Variants in CACNA1B observed in about 807,000 individuals in gnomAD.
CACNA1B encodes voltage-dependent N-type calcium channel subunit alpha-1B.
In CACNA1B, 70 loss-of-function variants were observed where a neutral mutation model predicts 247.2. The ratio of observed to expected loss-of-function variants is 0.28; its 90% CI spans 0.23 to 0.35. CACNA1B has a LOEUF of 0.35. Ranked by LOEUF, CACNA1B falls within the 10% of genes least tolerant of loss-of-function variation. The pLI is 1.00. For missense variants in CACNA1B, 2,367 were observed against 3,197.4 expected (o/e 0.74, Z 6.26); for synonymous variants, 1,231 against 1,294.4 (o/e 0.95, Z 1.05).
At chr9:138,070,695 T>A (rs1015699497) in intron 32 of CACNA1B, among the ~76,000 whole-genome samples, 1 of 152,264 alleles carries the variant, frequency 6.6e-6, no homozygotes, top group African/African-American at 2.4e-5. Context: ...CAATGTCATC[T>A]GCACGCATCC....
At chr9:138,000,178 A>C (rs1039748693) in intron 15 of CACNA1B, among the ~76,000 whole-genome samples, 59 of 151,296 alleles carry the variant, frequency 3.9e-4, no homozygotes, top group African/African-American at 1.3e-3. Flanking sequence ...GGCTCACTGC[A>C]AGCTCCGCCT....
intron 6 of CACNA1B, among the ~76,000 whole-genome samples, chr9:137,929,674 A>G (rs1957587787): frequency 6.6e-6 from 1 of 152,048 alleles, no homozygotes; most frequent in Admixed American, 6.6e-5. Context: ...TATTTTTGGG[A>G]CAGGGTCTTA....
At chr9:138,097,400 C>T (rs758670940) in intron 37 of CACNA1B, among the ~76,000 whole-genome samples, 1 of 152,152 alleles carries the variant, frequency 6.6e-6, no homozygotes, top group African/African-American at 2.4e-5. Flanking sequence ...AGAGCTCATT[C>T]GGGAAGGAAG....
In CACNA1B at chr9:137,919,877, G is replaced by A. The variant is rs998806810; in HGVS notation, c.966+2446G>A. Among the ~76,000 whole-genome samples the A allele has an allele frequency of 2.0e-5, 3 of 152,214 alleles. No homozygotes were observed. Among genetic ancestry groups the A allele is most frequent in the Non-Finnish European group, 4.4e-5 (3 of 68,038 alleles). On this transcript the variant is annotated intron_variant, in intron 6 of 46. Coordinates refer to ENST00000371372, the MANE Select transcript of CACNA1B (RefSeq NM_000718.4). This position sits in a 1 kb window ranked among gnomAD's most constrained non-coding sequence, Gnocchi z 4.6. Reference sequence around the variant, plus strand: ...GGGCACTCCAGCTTGAGGAGAAATGGCTTTGTCTGTGCCTGGAAAAGCAGG... The same window carrying A: ...GGGCACTCCAGCTTGAGGAGAAATGACTTTGTCTGTGCCTGGAAAAGCAGG...
intron 10 of CACNA1B, among the ~76,000 whole-genome samples, chr9:137,959,138 T>C (rs1957982505): frequency 1.3e-5 from 2 of 152,198 alleles, no homozygotes; most frequent in African/African-American, 4.8e-5. Context: ...AATGGTGCAA[T>C]CTCGGCTCAC....
At chr9:138,037,156 T>G (rs533459123) in intron 20 of CACNA1B, among the ~76,000 whole-genome samples, 5 of 152,348 alleles carry the variant, frequency 3.3e-5, no homozygotes, top group South Asian at 2.1e-4. Context: ...CATCATGGTG[T>G]TGTTTGGTAC....
intron 13 of CACNA1B, among the ~76,000 whole-genome samples, chr9:137,984,988 C>T (rs1248703976): frequency 6.6e-6 from 1 of 152,146 alleles, no homozygotes; most frequent in Admixed American, 6.5e-5. Context: ...AAGGCTGCAC[C>T]GCGGAGGCTC....
chr9:137,891,697 CT>C lies in CACNA1B; in HGVS notation c.530+8815del, dbSNP rs1417713259. On this transcript the variant is annotated intron_variant, in intron 3 of 46. Coordinates refer to ENST00000371372, the MANE Select transcript of CACNA1B (RefSeq NM_000718.4). This position sits in a 1 kb window ranked among gnomAD's most constrained non-coding sequence, Gnocchi z 4.3. ...AGGTGAGGATGGTTGCTAATGGCTT[CT>C]CGGGCCCTGGACTAGAAGAGGTGAG... 1.2e-5 allele frequency: 3 copies of C among 251,178 alleles called. No individual in the cohort carries two copies. The highest frequency in any genetic ancestry group is 2.3e-5 in the African/African-American group (1 of 43,898). 15.6% of individuals were successfully genotyped at this position (251,178 alleles called of 1,614,324 possible).
chr9:138,056,576 G>C (rs1185389906), intron 26 of CACNA1B, among the ~76,000 whole-genome samples: 1 of 152,168 alleles, frequency 6.6e-6, no homozygotes. Context: ...TGCTTCTCAT[G>C]GGTGTGTACC....
chr9:137,925,338 C>A (rs976520722), intron 6 of CACNA1B, among the ~76,000 whole-genome samples: 12 of 152,130 alleles, frequency 7.9e-5, no homozygotes, highest in Non-Finnish European at 1.5e-4. Context: ...TGGGCGAATG[C>A]CTGAATGGTC....
rs927666466 is a variant in CACNA1B at position 138,027,494 on chromosome 9, A to G, written c.3286+2322A>G. ...TATTATTTTTTTGTCTGATTTCACT[A>G]TCAGATAACAATGGAATTACTGGGC... On this transcript the variant is annotated intron_variant, in intron 20 of 46. Transcript: ENST00000371372. Among the ~76,000 whole-genome samples, 10 of 152,264 alleles carry G rather than the reference A, an allele frequency of 6.6e-5. No homozygotes were observed. In the East Asian group the frequency reaches 1.9e-3, roughly 29 times the overall value.
intron 15 of CACNA1B, among the ~76,000 whole-genome samples, chr9:138,000,258 C>CACTA (rs1382625863): frequency 2.0e-5 from 3 of 152,014 alleles, no homozygotes; most frequent in Non-Finnish European, 4.4e-5. Context: ...GCCACTACGC[C>CACTA]CGGCTAATTT....
At chr9:138,028,577 CAA>C (rs1251174608) in intron 20 of CACNA1B, among the ~76,000 whole-genome samples, 1 of 152,184 alleles carries the variant, frequency 6.6e-6, no homozygotes, top group Non-Finnish European at 1.5e-5. Context: ...TTACTGTGAA[CAA>C]AAGTTCTCTG....
In CACNA1B at chr9:138,051,158, G is replaced by T. The variant is rs980398204; in HGVS notation, c.3711-934G>T. Among the ~76,000 whole-genome samples, 1 of 152,018 alleles carries T rather than the reference G, an allele frequency of 6.6e-6. No homozygotes were observed. Among genetic ancestry groups the T allele is most frequent in the African/African-American group, 2.4e-5 (1 of 41,400 alleles). On this transcript the variant is annotated intron_variant, in intron 24 of 46. Coordinates refer to ENST00000371372, the MANE Select transcript of CACNA1B (RefSeq NM_000718.4). This position sits in a 1 kb window ranked among gnomAD's most constrained non-coding sequence, Gnocchi z 4.3. ...GGCTTTGCTTCTGAGAACGGGGGCCGCCTTAGGAGGAAATCTCTCCTAGAC... is the reference window on the plus strand; with the variant it reads ...GGCTTTGCTTCTGAGAACGGGGGCCTCCTTAGGAGGAAATCTCTCCTAGAC...
intron 12 of CACNA1B, among the ~76,000 whole-genome samples, chr9:137,978,541 G>C (rs1958256340): frequency 6.6e-6 from 1 of 152,150 alleles, no homozygotes; most frequent in Non-Finnish European, 1.5e-5. Flanking sequence ...AGGAAGGAGT[G>C]GGGAGTAGGA....
intron 20 of CACNA1B, among the ~76,000 whole-genome samples, chr9:138,041,742 T>G (rs1959125747): frequency 6.6e-6 from 1 of 152,164 alleles, no homozygotes; most frequent in South Asian, 2.1e-4. Context: ...TTTCCTTAAT[T>G]TACTTAAGTT....
In CACNA1B at chr9:138,095,141, C is replaced by G. The variant is rs11137370; in HGVS notation, c.5095-1343C>G. Among the ~76,000 whole-genome samples, 231 of 152,204 alleles carry G rather than the reference C, an allele frequency of 1.5e-3. No individual in the cohort carries two copies. The East Asian group carries it at 0.038, about 25-fold the overall frequency. On this transcript the variant is annotated intron_variant, in intron 36 of 46. Transcript: ENST00000371372. ...TACATCAAAATTTAAAATTTTTGTA[C>G]GTCAAAGGACATTATCAAATATGTG... is the stretch of plus-strand genomic sequence containing the variant.
At chr9:138,096,642 G>C (rs772042049) in intron 37 of CACNA1B, 31 bp downstream of exon 37, 1 of 1,600,610 alleles carries the variant, frequency 6.2e-7, no homozygotes, top group Non-Finnish European at 8.5e-7. Flanking sequence ...TGTGGTCCTT[G>C]GGGGTGGTCC....
At chr9:138,066,869 G>A (rs1248017836) in intron 31 of CACNA1B, among the ~76,000 whole-genome samples, 1 of 152,050 alleles carries the variant, frequency 6.6e-6, no homozygotes, top group Admixed American at 6.6e-5. Context: ...CAATAAAGTA[G>A]AAGAAAAGTA....
Sources: allele counts gnomAD v4.1 joint callset (sites outside exome capture counted in the v4.1 genomes callset), GRCh38; gene constraint gnomAD v4.1.1; non-coding constraint Gnocchi (gnomAD v3.1); transcripts MANE v1.5; gene names NCBI Gene and HGNC (gene_info 2026-07-23, HGNC 2026-07-21).